Variants in ENOX2 observed in about 807,000 individuals in gnomAD.
The protein encoded by ENOX2 is ecto-NOX disulfide-thiol exchanger 2, also known as APK1 antigen.
In ENOX2, 36 loss-of-function variants were observed where a neutral mutation model predicts 45.0. That is an observed-to-expected ratio of 0.80 (90% CI 0.61 to 1.06). The LOEUF (loss-of-function observed/expected upper bound fraction) is 1.06, where lower values mean the gene tolerates loss of function less well. ENOX2 is among the 50% of genes least tolerant of loss of function. The pLI is 0.00. For missense variants in ENOX2, 423 were observed against 462.5 expected (o/e 0.91, Z 0.78); for synonymous variants, 174 against 152.3 (o/e 1.14, Z -1.05).
intron 2 of ENOX2, among the ~76,000 whole-genome samples, chrX:130,785,528 C>G (rs751600712): frequency 5.1e-4 from 57 of 110,784 alleles, no homozygotes; most frequent in Non-Finnish European, 9.2e-4. Context: ...GTAAAACTTG[C>G]TTCTGGATCT....
intron 9 of ENOX2, among the ~76,000 whole-genome samples, chrX:130,658,801 G>A (rs1233003916): frequency 1.8e-5 from 2 of 112,110 alleles, no homozygotes; most frequent in Non-Finnish European, 3.8e-5. Flanking sequence ...ATAAAGCTGA[G>A]GTATATTTTC....
intron 2 of ENOX2, among the ~76,000 whole-genome samples, chrX:130,881,494 A>G (rs2078808323): frequency 1.8e-5 from 2 of 112,349 alleles, no homozygotes; most frequent in Admixed American, 1.9e-4. Context: ...TAGGTCTGGG[A>G]TGGGGATTCA....
At chrX:130,753,758 A>G (rs2039283554) in intron 3 of ENOX2, among the ~76,000 whole-genome samples, 1 of 111,515 alleles carries the variant, frequency 9.0e-6, no homozygotes, top group East Asian at 2.8e-4. Context: ...CCATTCATCT[A>G]TTGATACACG....
At chrX:130,798,174 G>C (rs1369181631) in intron 2 of ENOX2, among the ~76,000 whole-genome samples, 2 of 111,739 alleles carry the variant, frequency 1.8e-5, no homozygotes. Flanking sequence ...CCAGCACTTT[G>C]GGAAGCCACA....
intron 2 of ENOX2, among the ~76,000 whole-genome samples, chrX:130,899,541 G>A (rs2079112261): frequency 8.9e-6 from 1 of 112,015 alleles, no homozygotes; most frequent in Non-Finnish European, 1.9e-5. Flanking sequence ...GTGGAAGCCC[G>A]AGGCCTAACA....
intron 3 of ENOX2, among the ~76,000 whole-genome samples, chrX:130,765,844 A>C (rs1307298367): frequency 8.9e-6 from 1 of 111,817 alleles, no homozygotes; most frequent in East Asian, 2.8e-4. Flanking sequence ...AATAACACAT[A>C]AGAAATCATG....
chrX:130,724,314 T>C (rs1341352549), intron 3 of ENOX2, among the ~76,000 whole-genome samples: 5 of 112,485 alleles, frequency 4.4e-5, no homozygotes, highest in African/African-American at 1.3e-4. Flanking sequence ...ATGTTCAAAA[T>C]ATTCAAACAC....
intron 10 of ENOX2, among the ~76,000 whole-genome samples, chrX:130,644,859 C>T (rs1170958905): frequency 9.0e-6 from 1 of 111,205 alleles, no homozygotes; most frequent in Non-Finnish European, 1.9e-5. Flanking sequence ...AAAGAACATG[C>T]AAGACCAAGA....
At chrX:130,726,635 C>T (rs781278325) in intron 3 of ENOX2, among the ~76,000 whole-genome samples, 3 of 112,314 alleles carry the variant, frequency 2.7e-5, no homozygotes, top group African/African-American at 9.7e-5. Flanking sequence ...AGGGGCATAT[C>T]GTGCTGACAT....
chrX:130,688,973 G>C lies in ENOX2; in HGVS notation c.143C>G (p.Thr48Ser). 8.3e-7 allele frequency: 1 copy of C among 1,205,884 alleles called. No homozygotes were observed. The highest frequency in any genetic ancestry group is 3.0e-5 in the East Asian group (1 of 33,785). The change falls in exon 5 of 15, where the codon ACT becomes AGT. Residue 48 changes from threonine to serine, a missense_variant. By Grantham distance (58) the Thr-to-Ser change is moderately conservative (BLOSUM62 1). Transcript: ENST00000394363. ...LGMMTGIPPI[T>S]PMMPGLGIVP... ...TATTCCCAAACCAGGCATCATTGGAGTTATTGGTGGAATTCCAGTCATCAT... is the reference window on the plus strand; with the variant it reads ...TATTCCCAAACCAGGCATCATTGGACTTATTGGTGGAATTCCAGTCATCAT...
chrX:130,875,717 GA>G (rs1397610786), intron 2 of ENOX2, among the ~76,000 whole-genome samples: 4 of 111,283 alleles, frequency 3.6e-5, no homozygotes, highest in Non-Finnish European at 7.5e-5. Context: ...ACATGAAAGT[GA>G]ATCTTCATGA....
At chrX:130,698,685 G>C (rs766925660) in intron 4 of ENOX2, among the ~76,000 whole-genome samples, 72 of 111,695 alleles carry the variant, frequency 6.4e-4, no homozygotes, top group African/African-American at 2.2e-3. Context: ...TTCCTGAGGA[G>C]CTTGCAGAAC....
chrX:130,766,603 T>C (rs982866492), intron 3 of ENOX2, among the ~76,000 whole-genome samples: 2 of 111,760 alleles, frequency 1.8e-5, no homozygotes, highest in African/African-American at 6.5e-5. Flanking sequence ...ACTCTTGTAA[T>C]TGATCTTGTA....
rs1403035399 is a variant in ENOX2, at chrX:130,623,028, C to A, written c.*2286G>T. 2.7e-5 allele frequency among the ~76,000 whole-genome samples: 3 copies of A among 111,211 alleles called. No individual in the cohort carries two copies. The highest frequency in any genetic ancestry group is 9.8e-5 in the African/African-American group (3 of 30,515). On this transcript the variant is annotated 3_prime_UTR_variant, in exon 15 of 15. Transcript: ENST00000394363. Reference sequence around the variant, plus strand: ...AGGCCTTCAGCTGATCAGATGAGGTCCACCCACATTATAATGGGTAATCTG... The same window carrying A: ...AGGCCTTCAGCTGATCAGATGAGGTACACCCACATTATAATGGGTAATCTG...
At chrX:130,637,513 G>A in intron 10 of ENOX2, 103 bp from the exon 11 acceptor site, 2 of 642,199 alleles carry the variant, frequency 3.1e-6, no homozygotes, top group Non-Finnish European at 4.7e-6. Flanking sequence ...AGAACTTCAG[G>A]TTTGAGTTGG....
intron 2 of ENOX2, among the ~76,000 whole-genome samples, chrX:130,785,331 A>AAG (rs2076953198): frequency 9.1e-6 from 1 of 110,169 alleles, no homozygotes; most frequent in African/African-American, 3.3e-5. Context: ...ATCTCAAAAA[A>AAG]AAAAAAAAAA....
At chrX:130,672,610 C>T (rs773928558) in intron 6 of ENOX2, among the ~76,000 whole-genome samples, 64 of 112,564 alleles carry the variant, frequency 5.7e-4, no homozygotes, top group African/African-American at 2.0e-3. Context: ...AATAGGTGAG[C>T]CACAAAGCTG....
At chrX:130,632,239 G>A (rs12392270) in intron 12 of ENOX2, among the ~76,000 whole-genome samples, 11,270 of 109,546 alleles carry the variant, frequency 0.1, 1,051 homozygotes, top group African/African-American at 0.3. Flanking sequence ...TCTCTCTGAT[G>A]AGGACATTAT....
intron 3 of ENOX2, among the ~76,000 whole-genome samples, chrX:130,757,264 T>G (rs1410207568): frequency 8.9e-6 from 1 of 111,752 alleles, no homozygotes. Context: ...AATTCATGTC[T>G]CCCACTCCCA....
Sources: gnomAD v4.1 joint callset for allele counts (sites outside exome capture counted in the v4.1 genomes callset) on GRCh38, gnomAD v4.1.1 for gene constraint, MANE v1.5 for transcripts, NCBI Gene and HGNC (gene_info 2026-07-23, HGNC 2026-07-21) for gene names.